CLNK: variants seen among roughly 807,000 people sequenced by gnomAD.
CLNK encodes cytokine-dependent hematopoietic cell linker.
A neutral mutation model predicts 68.6 loss-of-function variants in CLNK; 74 were observed. The ratio of observed to expected loss-of-function variants is 1.08; its 90% CI spans 0.89 to 1.31. The LOEUF is 1.31. CLNK is among the 50% of genes most tolerant of loss of function. The pLI, the probability that CLNK is intolerant of heterozygous loss-of-function variation, is 0.00. For missense variants in CLNK, 553 were observed against 515.3 expected (o/e 1.07, Z -0.71); for synonymous variants, 198 against 172.2 (o/e 1.15, Z -1.17).
intron 2 of CLNK, among the ~76,000 whole-genome samples, chr4:10,611,057 C>T (rs1211597424): frequency 2.6e-5 from 4 of 152,122 alleles, no homozygotes; most frequent in African/African-American, 4.8e-5. Flanking sequence ...CAGTGGCTCA[C>T]GCCTGTAATC....
the CLNK span, among the ~76,000 whole-genome samples, chr4:10,719,944 C>G: frequency 6.6e-6 from 1 of 151,832 alleles, no homozygotes; most frequent in African/African-American, 2.4e-5. Context: ...AGCTACAATT[C>G]TAAATAACCC....
At chr4:10,654,184 A>G (rs1340800194) in intron 2 of CLNK, among the ~76,000 whole-genome samples, 4 of 152,002 alleles carry the variant, frequency 2.6e-5, no homozygotes, top group African/African-American at 4.8e-5. Context: ...CTCATTAATG[A>G]AACACTGCAC....
chr4:10,717,285 G>A, the CLNK span, among the ~76,000 whole-genome samples: 2 of 152,170 alleles, frequency 1.3e-5, no homozygotes, highest in Non-Finnish European at 2.9e-5. Context: ...CATTGGGGTA[G>A]TATCAGAGGG....
chr4:10,678,887 T>C (rs1176858897), intron 1 of CLNK, among the ~76,000 whole-genome samples: 7 of 152,142 alleles, frequency 4.6e-5, no homozygotes, highest in Admixed American at 4.6e-4. Context: ...TGGAAGAACA[T>C]TCCATGCTCA....
chr4:10,619,790 G>A (rs530347749), intron 2 of CLNK, among the ~76,000 whole-genome samples: 2 of 152,258 alleles, frequency 1.3e-5, no homozygotes, highest in East Asian at 3.9e-4. Context: ...AGTATCGTGT[G>A]GAGCTGGCAT....
At chr4:10,647,893 G>A (rs186652089) in intron 2 of CLNK, among the ~76,000 whole-genome samples, 2 of 152,140 alleles carry the variant, frequency 1.3e-5, no homozygotes, top group East Asian at 3.8e-4. Context: ...TCCTCAGAAA[G>A]TTGCCATAGA....
At chr4:10,571,633 G>A in intron 5 of CLNK, 108 bp downstream of exon 5, 3 of 897,464 alleles carry the variant, frequency 3.3e-6, no homozygotes, top group Non-Finnish European at 5.3e-6. Context: ...ACTGCACGCA[G>A]CCTGTTACTG....
chr4:10,680,896 G>C (rs966717261), intron 1 of CLNK, among the ~76,000 whole-genome samples: 2 of 152,114 alleles, frequency 1.3e-5, no homozygotes, highest in African/African-American at 2.4e-5. Flanking sequence ...GTTTGGGATG[G>C]GGACTGTGTG....
chr4:10,598,184 T>C (rs779086960), intron 2 of CLNK, 135 bp from the exon 3 acceptor site: 2 of 633,140 alleles, frequency 3.2e-6, no homozygotes, highest in Non-Finnish European at 5.5e-6. Context: ...ATTCTGAATC[T>C]CTCTTTGCAT....
At chr4:10,564,105 T>C (rs945511617) in intron 7 of CLNK, among the ~76,000 whole-genome samples, 86 of 96,260 alleles carry the variant, frequency 8.9e-4, no homozygotes, top group African/African-American at 3.9e-3. Context: ...AGATTTTTTC[T>C]TTTTTTTTTT....
chr4:10,634,332 C>T (rs188452499), intron 2 of CLNK, among the ~76,000 whole-genome samples: 19 of 152,304 alleles, frequency 1.2e-4, no homozygotes, highest in African/African-American at 2.9e-4. Context: ...ACGTTAGCAC[C>T]GAGTCAGTGG....
intron 2 of CLNK, among the ~76,000 whole-genome samples, chr4:10,605,584 C>T (rs1268451136): frequency 1.3e-5 from 2 of 152,116 alleles, no homozygotes; most frequent in Non-Finnish European, 2.9e-5. Context: ...CCCAGCAGCA[C>T]TTTGGGAGGC....
the CLNK span, among the ~76,000 whole-genome samples, chr4:10,726,704 C>T: frequency 1.3e-5 from 2 of 152,108 alleles, no homozygotes; most frequent in Admixed American, 6.5e-5. Context: ...TATATAATTG[C>T]AAGAACTGAA....
At chr4:10,504,539 T>C (rs1717209157) in intron 17 of CLNK, among the ~76,000 whole-genome samples, 2 of 152,346 alleles carry the variant, frequency 1.3e-5, no homozygotes, top group East Asian at 3.9e-4. Flanking sequence ...GGTTACTAAA[T>C]GGAATACCGA....
chr4:10,606,681 G>T (rs548059751), intron 2 of CLNK, among the ~76,000 whole-genome samples: 2 of 152,304 alleles, frequency 1.3e-5, no homozygotes, highest in South Asian at 4.1e-4. Flanking sequence ...GTGATAGGAA[G>T]TTTGCAGCTC....
intron 2 of CLNK, among the ~76,000 whole-genome samples, chr4:10,623,446 C>T (rs1370852434): frequency 3.3e-5 from 5 of 152,196 alleles, no homozygotes; most frequent in South Asian, 4.1e-4. Flanking sequence ...TGGAATCTGA[C>T]TGTCTGGCTT....
chr4:10,544,253 T>G (rs1719141255), intron 8 of CLNK, among the ~76,000 whole-genome samples: 1 of 152,220 alleles, frequency 6.6e-6, no homozygotes, highest in South Asian at 2.1e-4. Flanking sequence ...ATCTACCCAG[T>G]TTTCTTCAGG....
At chr4:10,605,327 C>T (rs1026438926) in intron 2 of CLNK, among the ~76,000 whole-genome samples, 3 of 152,082 alleles carry the variant, frequency 2.0e-5, no homozygotes, top group South Asian at 2.1e-4. Flanking sequence ...GTGTGAACAT[C>T]GTAGAGTGTA....
At chr4:10,660,494 C>A (rs1356495921) in intron 2 of CLNK, among the ~76,000 whole-genome samples, 2 of 152,134 alleles carry the variant, frequency 1.3e-5, no homozygotes, top group Admixed American at 6.5e-5. Context: ...ATTTTTGTAT[C>A]TTAAATGTTT....
Sources: allele counts gnomAD v4.1 joint callset (sites outside exome capture counted in the v4.1 genomes callset), GRCh38; gene constraint gnomAD v4.1.1; transcripts MANE v1.5; gene names NCBI Gene and HGNC (gene_info 2026-07-23, HGNC 2026-07-21).